The following TBCK variants were observed in gnomAD, a reference collection of about 807,000 sequenced individuals.
TBCK encodes TBC domain-containing protein kinase-like protein.
A neutral mutation model predicts 113.4 loss-of-function variants in TBCK; 99 were observed. That is an observed-to-expected ratio of 0.87 (90% confidence interval 0.74 to 1.03). The LOEUF (loss-of-function observed/expected upper bound fraction) is 1.03, where lower values mean the gene tolerates loss of function less well. Ranked by LOEUF, TBCK falls within the 50% of genes least tolerant of loss-of-function variation. The pLI is 0.00. For synonymous variants in TBCK, 369 were observed against 370.8 expected (o/e 1.00, Z 0.05); for missense variants, 1,045 against 1,061.3 (o/e 0.98, Z 0.21).
At chr4:106,145,369 T>G (rs917092307) in intron 23 of TBCK, among the ~76,000 whole-genome samples, 3 of 152,114 alleles carry the variant, frequency 2.0e-5, no homozygotes, top group Non-Finnish European at 2.9e-5. Flanking sequence ...TATTTTTAAG[T>G]TTTCAGGAGA....
At chr4:106,117,367 ATAATT>A (rs1160094146) in intron 23 of TBCK, among the ~76,000 whole-genome samples, 3 of 152,204 alleles carry the variant, frequency 2.0e-5, no homozygotes, top group Non-Finnish European at 2.9e-5. Flanking sequence ...CTTTTATAAT[ATAATT>A]TATGTTATAT....
intron 5 of TBCK, chr4:106,255,104 C>A: frequency 7.8e-6 from 2 of 255,228 alleles, no homozygotes; most frequent in South Asian, 3.7e-5. Flanking sequence ...GAACTAACAT[C>A]TTTACAATAC....
intron 24 of TBCK, among the ~76,000 whole-genome samples, chr4:106,111,544 T>C (rs1176758357): frequency 1.3e-5 from 2 of 152,166 alleles, no homozygotes; most frequent in Non-Finnish European, 2.9e-5. Context: ...AGTCCTACCA[T>C]GTGTCAGTAT....
chr4:106,116,112 A>ATTT, intron 24 of TBCK, 91 bp downstream of exon 24: 2 of 1,021,556 alleles, frequency 2.0e-6, no homozygotes, highest in East Asian at 3.1e-5. Flanking sequence ...GAATCCCAGA[A>ATTT]TTTTTTTTTT....
chr4:106,119,075 T>G (rs1266724851), intron 23 of TBCK, among the ~76,000 whole-genome samples: 1 of 152,224 alleles, frequency 6.6e-6, no homozygotes, highest in Non-Finnish European at 1.5e-5. Context: ...TTCATACTTT[T>G]ATAAGCAAAT....
At chr4:106,309,773 T>C (rs960505440) in intron 1 of TBCK, among the ~76,000 whole-genome samples, 1 of 152,210 alleles carries the variant, frequency 6.6e-6, no homozygotes, top group Non-Finnish European at 1.5e-5. Flanking sequence ...GAAGGCTCTA[T>C]AATATTAAAT....
Position 106,235,312 on chromosome 4 carries a change from G to A in TBCK, c.1406C>T (p.Pro469Leu), listed in dbSNP as rs1759323363. The change falls in exon 15 of 26, where the codon CCT (proline) becomes CTT (leucine). Residue 469 changes from proline (P) to leucine (L), a missense_variant. Transcript: ENST00000394708. ...IWKEARVDIP[P>L]LMRGLTWAAL... is the part of the protein sequence containing the mutation. Reference sequence around the variant, plus strand: ...AGCCCAGGTTAAACCTCTCATAAGAGGAGGAATGTCAACTCTTGCTTCTTT... The same window carrying A: ...AGCCCAGGTTAAACCTCTCATAAGAAGAGGAATGTCAACTCTTGCTTCTTT... 2 of 1,610,854 alleles carry A rather than the reference G, an allele frequency of 1.2e-6. No homozygotes were observed. The highest frequency in any genetic ancestry group is 2.2e-5 in the East Asian group (1 of 44,696).
chr4:106,236,673 T>A lies in TBCK; in HGVS notation c.1220+86A>T, dbSNP rs986431128. On this transcript the variant is annotated intron_variant, in intron 13 of 25. Transcript: ENST00000394708. ...GTTATTATTTTCTATTTAGGAAACA[T>A]TTTTCAAAGAAAATGTATAAAATTC... 5.7e-6 allele frequency: 6 copies of A among 1,056,480 alleles called. No homozygotes were observed. In the African/African-American group the frequency reaches 9.9e-5, roughly 18 times the overall value. 65.4% of individuals were successfully genotyped at this position (1,056,480 alleles called of 1,614,324 possible).
chr4:106,085,898 A>C (rs1439579420), intron 25 of TBCK, among the ~76,000 whole-genome samples: 1 of 152,208 alleles, frequency 6.6e-6, no homozygotes, highest in Admixed American at 6.5e-5. Context: ...CCTTGAAATC[A>C]ATGAGAACAA....
At chr4:106,171,508 C>G (rs1751010774) in intron 22 of TBCK, among the ~76,000 whole-genome samples, 1 of 151,930 alleles carries the variant, frequency 6.6e-6, no homozygotes, top group African/African-American at 2.4e-5. Context: ...CTTATGTTTT[C>G]ATGTGTGTCT....
intron 19 of TBCK, chr4:106,213,774 G>C (rs867315554): frequency 6.4e-6 from 1 of 155,310 alleles, no homozygotes; most frequent in Non-Finnish European, 1.4e-5. Context: ...ACTGCAAGGC[G>C]GCAGCGAGGC....
intron 24 of TBCK, among the ~76,000 whole-genome samples, chr4:106,114,187 G>A (rs1036772505): frequency 6.6e-6 from 1 of 152,208 alleles, no homozygotes; most frequent in East Asian, 1.9e-4. Flanking sequence ...AAAAGGGGGA[G>A]ATGTAGGAGA....
chr4:106,237,587 A>G (rs904500206), intron 12 of TBCK: 1 of 454,156 alleles, frequency 2.2e-6, no homozygotes, highest in African/African-American at 2.0e-5. Context: ...GCAAGCACTG[A>G]TCTTCTGCTG....
At chr4:106,154,459 TG>T (rs1274032663) in intron 23 of TBCK, among the ~76,000 whole-genome samples, 1 of 152,214 alleles carries the variant, frequency 6.6e-6, no homozygotes, top group Non-Finnish European at 1.5e-5. Flanking sequence ...GATTTGGACA[TG>T]TCTCTCCACC....
At chr4:106,294,273 TCCGCC>T (rs1766031915) in intron 3 of TBCK, among the ~76,000 whole-genome samples, 1 of 149,640 alleles carries the variant, frequency 6.7e-6, no homozygotes, top group Non-Finnish European at 1.5e-5. Context: ...CACCACAACC[TCCGCC>T]CCGCGGGTTC....
chr4:106,268,893 A>G (rs1013250702), intron 3 of TBCK, among the ~76,000 whole-genome samples: 3 of 152,124 alleles, frequency 2.0e-5, no homozygotes, highest in Non-Finnish European at 4.4e-5. Flanking sequence ...TCATTCATGT[A>G]TAAGTGATAA....
chr4:106,263,288 C>T (rs1762666616), intron 3 of TBCK, among the ~76,000 whole-genome samples: 1 of 151,396 alleles, frequency 6.6e-6, no homozygotes, highest in African/African-American at 2.4e-5. Context: ...ATATTCAATC[C>T]ACAAACAGGC....
chr4:106,153,473 T>C (rs1748757270), intron 23 of TBCK, among the ~76,000 whole-genome samples: 1 of 152,136 alleles, frequency 6.6e-6, no homozygotes, highest in Non-Finnish European at 1.5e-5. Flanking sequence ...AAACATATGG[T>C]CTATCTCTGG....
intron 22 of TBCK, 139 bp from the exon 23 acceptor site, chr4:106,171,409 A>AC: frequency 1.6e-6 from 1 of 626,400 alleles, no homozygotes; most frequent in Non-Finnish European, 2.7e-6. Context: ...CAGTAAAAAA[A>AC]ACAATGTATA....
Sources: allele counts gnomAD v4.1 joint callset (sites outside exome capture counted in the v4.1 genomes callset), GRCh38; gene constraint gnomAD v4.1.1; transcripts MANE v1.5; gene names NCBI Gene and HGNC (gene_info 2026-07-23, HGNC 2026-07-21).